The following KIAA1217 variants were observed in gnomAD, a reference collection of about 807,000 sequenced individuals.
The protein encoded by KIAA1217 is sickle tail protein homolog.
KIAA1217 carries 88 observed loss-of-function variants against 163.9 expected under a neutral mutation model. That is an observed-to-expected ratio of 0.54 (90% CI 0.45 to 0.64). The LOEUF is 0.64. KIAA1217 is among the 30% of genes least tolerant of loss of function. The pLI, the probability that KIAA1217 is intolerant of heterozygous loss-of-function variation, is 0.00. For synonymous variants in KIAA1217, 903 were observed against 923.1 expected, an observed-to-expected ratio of 0.98 and a Z score of 0.39; for missense variants, 2,372 against 2,475.0, an observed-to-expected ratio of 0.96 and a Z score of 0.88.
In KIAA1217 at chr10:24,097,976, G is replaced by A. The variant is rs1344729990; in HGVS notation, c.-171+90602G>A. Among the ~76,000 whole-genome samples, 6 of 152,000 alleles carry A rather than the reference G, an allele frequency of 3.9e-5. No homozygotes were observed. In the East Asian group the frequency reaches 9.8e-4, roughly 25 times the overall value. ...CAGGCCACGGATCTCTGTGTTCCAG[G>A]GGCAACACGCCTCCTTTTCTGCTTG... On this transcript the variant is annotated intron_variant, in intron 2 of 18. Transcript: ENST00000376462.
intron 2 of KIAA1217, among the ~76,000 whole-genome samples, chr10:24,121,082 G>C (rs906576180): frequency 3.9e-5 from 6 of 152,190 alleles, no homozygotes; most frequent in African/African-American, 1.4e-4. Flanking sequence ...CTGGCATCCT[G>C]TATTCTTTTT....
intron 2 of KIAA1217, among the ~76,000 whole-genome samples, chr10:24,282,185 T>TA (rs2132238329): frequency 6.9e-6 from 1 of 144,510 alleles, no homozygotes; most frequent in South Asian, 2.2e-4. Flanking sequence ...CTGGGCAACA[T>TA]AGAGACCTCA....
chr10:23,707,378 G>A (rs1306097123), intron 1 of KIAA1217, among the ~76,000 whole-genome samples: 3 of 152,112 alleles, frequency 2.0e-5, no homozygotes, highest in African/African-American at 7.2e-5. Flanking sequence ...GGCTACCTGC[G>A]GCCTGGAAGT....
At chr10:24,318,773 C>A (rs1242656222) in intron 2 of KIAA1217, among the ~76,000 whole-genome samples, 1 of 152,186 alleles carries the variant, frequency 6.6e-6, no homozygotes, top group Non-Finnish European at 1.5e-5. Flanking sequence ...CTGAAAACCT[C>A]ATGTTGCAAA....
intron 1 of KIAA1217, among the ~76,000 whole-genome samples, chr10:23,950,935 A>G (rs917643925): frequency 6.6e-6 from 1 of 152,196 alleles, no homozygotes; most frequent in African/African-American, 2.4e-5. Flanking sequence ...TGAATAAAAG[A>G]ATGAATCATT....
At chr10:24,400,623 C>T (rs1591620217) in intron 3 of KIAA1217, among the ~76,000 whole-genome samples, 1 of 152,248 alleles carries the variant, frequency 6.6e-6, no homozygotes, top group South Asian at 2.1e-4. Context: ...GTGAACAATA[C>T]TAGAGACAAT....
intron 2 of KIAA1217, among the ~76,000 whole-genome samples, chr10:24,270,389 C>A (rs888619173): frequency 3.3e-5 from 5 of 152,202 alleles, no homozygotes; most frequent in Admixed American, 6.5e-5. Flanking sequence ...ATATTTACAA[C>A]CCATCCCTCC....
chr10:24,083,106 C>T (rs2061589370), intron 2 of KIAA1217, among the ~76,000 whole-genome samples: 1 of 152,204 alleles, frequency 6.6e-6, no homozygotes, highest in Middle Eastern at 3.4e-3. Flanking sequence ...TGCTATTTGG[C>T]ATCTTGGCTG....
intron 2 of KIAA1217, among the ~76,000 whole-genome samples, chr10:24,133,561 G>A (rs1359511993): frequency 1.4e-5 from 2 of 146,738 alleles, no homozygotes; most frequent in Admixed American, 6.8e-5. Flanking sequence ...GACAGAGCGA[G>A]ACTGTGTCTC....
At chr10:24,447,125 C>T (rs961725126) in intron 5 of KIAA1217, among the ~76,000 whole-genome samples, 1 of 152,156 alleles carries the variant, frequency 6.6e-6, no homozygotes, top group Non-Finnish European at 1.5e-5. Context: ...CTCCCTGCCC[C>T]GCTCTCTTTG....
intron 2 of KIAA1217, among the ~76,000 whole-genome samples, chr10:24,264,446 A>G (rs907510961): frequency 6.6e-6 from 1 of 152,172 alleles, no homozygotes; most frequent in Admixed American, 6.5e-5. Flanking sequence ...TCAGGTCAAC[A>G]AAGTTGTGTC....
chr10:24,529,079 G>GTGCCT (rs2072696651), intron 14 of KIAA1217, among the ~76,000 whole-genome samples: 1 of 152,070 alleles, frequency 6.6e-6, no homozygotes, highest in Non-Finnish European at 1.5e-5. Context: ...ACATTCCACA[G>GTGCCT]TGCCTTATCC....
intron 2 of KIAA1217, among the ~76,000 whole-genome samples, chr10:24,268,160 T>G (rs947925810): frequency 6.6e-6 from 1 of 152,224 alleles, no homozygotes; most frequent in Non-Finnish European, 1.5e-5. Context: ...ACTCTCTAGT[T>G]CATTTGGCTA....
intron 2 of KIAA1217, among the ~76,000 whole-genome samples, chr10:24,323,039 T>C (rs923892871): frequency 1.2e-4 from 18 of 152,130 alleles, no homozygotes; most frequent in Admixed American, 2.0e-4. Flanking sequence ...CAGCCTCAAG[T>C]TCCTGGGCTC....
At chr10:24,483,133 T>C (rs2064925262) in intron 6 of KIAA1217, 1 of 151,980 alleles carries the variant, frequency 6.6e-6, no homozygotes, top group Admixed American at 6.6e-5. Context: ...CCTTGGAGAA[T>C]ACTGGGTCCT....
intron 1 of KIAA1217, among the ~76,000 whole-genome samples, chr10:23,907,998 T>C (rs2131262203): frequency 6.6e-6 from 1 of 151,954 alleles, no homozygotes; most frequent in Non-Finnish European, 1.5e-5. Flanking sequence ...GGCTTGGTAG[T>C]GAAGCCATAT....
chr10:23,957,464 G>A (rs564806014), intron 1 of KIAA1217, among the ~76,000 whole-genome samples: 1 of 152,280 alleles, frequency 6.6e-6, no homozygotes, highest in Non-Finnish European at 1.5e-5. Flanking sequence ...ACTCACACCT[G>A]TAATCCCAGC....
At chr10:23,888,533 T>C (rs1471349331) in intron 1 of KIAA1217, among the ~76,000 whole-genome samples, 1 of 151,882 alleles carries the variant, frequency 6.6e-6, no homozygotes. Context: ...ACCTTTTTCT[T>C]AGGATTTGGT....
chr10:24,006,837 G>C (rs906140833), intron 1 of KIAA1217, among the ~76,000 whole-genome samples: 1 of 152,112 alleles, frequency 6.6e-6, no homozygotes, highest in Non-Finnish European at 1.5e-5. Context: ...TTAATAAAGG[G>C]ATTAGAGATG....
Sources: gnomAD v4.1 joint callset for allele counts (sites outside exome capture counted in the v4.1 genomes callset) on GRCh38, gnomAD v4.1.1 for gene constraint, MANE v1.5 for transcripts, NCBI Gene and HGNC (gene_info 2026-07-23, HGNC 2026-07-21) for gene names.